ADAMTS6: variants seen among roughly 807,000 people sequenced by gnomAD.
The protein encoded by ADAMTS6 is A disintegrin and metalloproteinase with thrombospondin motifs 6.
Under a neutral mutation model 144.3 loss-of-function variants are expected in ADAMTS6, and 23 were observed. The observed-to-expected ratio is 0.16, with a 90% CI of 0.11 to 0.23. The LOEUF (loss-of-function observed/expected upper bound fraction) is 0.23, where lower values mean the gene tolerates loss of function less well. ADAMTS6 is among the 10% of genes least tolerant of loss of function. The pLI is 1.00. For synonymous variants in ADAMTS6, 444 were observed against 457.5 expected (o/e 0.97, Z 0.38); for missense variants, 999 against 1,379.6 (o/e 0.72, Z 4.37).
In ADAMTS6 at chr5:65,169,915, T is replaced by C. The variant is rs1448709857; in HGVS notation, c.3244+702A>G. ...GAGGGGGGAGGGGGGAGGGATAGCA[T>C]TGGGAGATATACCTAATGCTAGATG... On this transcript the variant is annotated intron_variant, in intron 24 of 24. Transcript: ENST00000381055. Among the ~76,000 whole-genome samples, 9 of 144,684 alleles carry C rather than the reference T, an allele frequency of 6.2e-5. No homozygotes were observed. In the South Asian group the frequency reaches 1.6e-3, roughly 26 times the overall value. 94.9% of individuals were successfully genotyped at this position (144,684 alleles called of 152,430 possible).
intron 7 of ADAMTS6, among the ~76,000 whole-genome samples, chr5:65,340,603 C>A (rs190801921): frequency 2.0e-5 from 3 of 151,952 alleles, no homozygotes; most frequent in East Asian, 3.9e-4. Context: ...GGAATAAATT[C>A]TTATCTATTA....
intron 22 of ADAMTS6, among the ~76,000 whole-genome samples, chr5:65,179,958 GCACACACA>G (rs57687665): frequency 2.4e-5 from 1 of 42,484 alleles, no homozygotes; most frequent in Non-Finnish European, 8.2e-5. Context: ...GCACGCACGC[GCACACACA>G]CACACACACA....
intron 8 of ADAMTS6, among the ~76,000 whole-genome samples, chr5:65,332,328 G>A (rs994121136): frequency 6.7e-6 from 1 of 149,184 alleles, no homozygotes; most frequent in Non-Finnish European, 1.5e-5. Context: ...GAGAGAGAGA[G>A]AGAGAGAGAG....
chr5:65,456,804 T>C (rs919851467), intron 4 of ADAMTS6, among the ~76,000 whole-genome samples: 3 of 152,194 alleles, frequency 2.0e-5, no homozygotes, highest in African/African-American at 7.2e-5. Context: ...TTTTCCTTTT[T>C]GTCCTGTATT....
chr5:65,314,020 C>T (rs1308040733), intron 9 of ADAMTS6, among the ~76,000 whole-genome samples: 1 of 151,708 alleles, frequency 6.6e-6, no homozygotes, highest in African/African-American at 2.4e-5. Flanking sequence ...AAAGATAAAA[C>T]AACCATCAGA....
At chr5:65,369,437 C>T (rs766128445) in intron 7 of ADAMTS6, among the ~76,000 whole-genome samples, 4 of 151,830 alleles carry the variant, frequency 2.6e-5, no homozygotes, top group African/African-American at 4.8e-5. Flanking sequence ...CTAAGAAGTA[C>T]GGAAACATCA....
chr5:65,226,287 C>G (rs897176214), intron 15 of ADAMTS6, 68 bp from the exon 16 acceptor site: 2 of 1,510,540 alleles, frequency 1.3e-6, no homozygotes, highest in South Asian at 2.6e-5. Flanking sequence ...TCAGTATTAT[C>G]TATGGCAAAT....
chr5:65,369,133 T>C, intron 7 of ADAMTS6, among the ~76,000 whole-genome samples: 1 of 151,968 alleles, frequency 6.6e-6, no homozygotes, highest in Non-Finnish European at 1.5e-5. Context: ...GTTGGGAGGA[T>C]CCCTTGATCC....
At chr5:65,168,977 A>C (rs1157091125) in intron 24 of ADAMTS6, among the ~76,000 whole-genome samples, 2 of 142,692 alleles carry the variant, frequency 1.4e-5, no homozygotes, top group East Asian at 4.1e-4. Context: ...AGGCGTGGGC[A>C]AGGACTTCAT....
intron 7 of ADAMTS6, among the ~76,000 whole-genome samples, chr5:65,412,933 A>C (rs966525701): frequency 1.3e-5 from 2 of 152,106 alleles, no homozygotes; most frequent in Non-Finnish European, 2.9e-5. Flanking sequence ...GCACTTCATT[A>C]CTCTTTGCTA....
At chr5:65,300,795 C>A (rs531313091) in intron 9 of ADAMTS6, among the ~76,000 whole-genome samples, 1 of 152,094 alleles carries the variant, frequency 6.6e-6, no homozygotes, top group African/African-American at 2.4e-5. Flanking sequence ...CCCCGCCTGG[C>A]TAATTTTTTG....
intron 24 of ADAMTS6, among the ~76,000 whole-genome samples, chr5:65,168,858 T>C: frequency 6.8e-6 from 1 of 147,582 alleles, no homozygotes; most frequent in East Asian, 2.0e-4. Context: ...CTGGATCCCT[T>C]CCTTACATCT....
At chr5:65,272,715 T>A (rs367879734) in intron 12 of ADAMTS6, among the ~76,000 whole-genome samples, 24 of 151,456 alleles carry the variant, frequency 1.6e-4, no homozygotes, top group African/African-American at 5.8e-4. Context: ...AGCTCAGGAG[T>A]TCGAGACCAG....
intron 7 of ADAMTS6, among the ~76,000 whole-genome samples, chr5:65,428,225 CAAAAAAA>C (rs759344039): frequency 3.4e-5 from 2 of 58,398 alleles, no homozygotes; most frequent in Admixed American, 2.0e-4. Flanking sequence ...GACTCCATCT[CAAAAAAA>C]AAAAAAAAAA....
intron 11 of ADAMTS6, among the ~76,000 whole-genome samples, chr5:65,281,234 C>T (rs1762966438): frequency 1.3e-5 from 2 of 152,090 alleles, no homozygotes; most frequent in African/African-American, 4.8e-5. Context: ...CAGATAATCA[C>T]CACACACCTA....
At position 65,451,614 on chromosome 5, in the gene ADAMTS6, A is replaced by G; in HGVS notation, c.934T>C (p.Leu312=). The change falls in exon 7 of 25, where the codon TTG becomes CTG. Residue 312 remains leucine (L), a synonymous_variant. Coordinates refer to ENST00000381055, the MANE Select transcript of ADAMTS6 (RefSeq NM_197941.4). The part of the protein sequence containing the change: ...LIVLTEDQPN[L]EINHHADKSL... ...TTGTCTGCATGGTGGTTTATCTCCA[A>G]GTTTGGCTGCAATACAACATGCATA... The G allele has an allele frequency of 1.9e-6, 3 of 1,612,742 alleles. No individual in the cohort carries two copies. The highest frequency in any genetic ancestry group is 1.7e-4 in the Middle Eastern group (1 of 6,054).
At chr5:65,362,649 T>G (rs972032837) in intron 7 of ADAMTS6, among the ~76,000 whole-genome samples, 2 of 152,204 alleles carry the variant, frequency 1.3e-5, no homozygotes, top group Non-Finnish European at 2.9e-5. Context: ...ATGTTTCAGA[T>G]GTAAGTACCA....
intron 9 of ADAMTS6, among the ~76,000 whole-genome samples, chr5:65,316,928 G>C (rs958430666): frequency 1.3e-5 from 2 of 151,784 alleles, no homozygotes; most frequent in South Asian, 2.1e-4. Context: ...CAGCCTCCCA[G>C]GTAGCTGAGA....
intron 11 of ADAMTS6, among the ~76,000 whole-genome samples, chr5:65,284,584 C>T (rs60793438): frequency 0.29 from 44,434 of 151,618 alleles, 6,726 homozygotes; most frequent in Admixed American, 0.37. Context: ...ATCTTCATTT[C>T]TAATATTAAA....
Sources: allele counts gnomAD v4.1 joint callset (sites outside exome capture counted in the v4.1 genomes callset), GRCh38; gene constraint gnomAD v4.1.1; transcripts MANE v1.5; gene names NCBI Gene and HGNC (gene_info 2026-07-23, HGNC 2026-07-21).